Variants in PCDHB12 observed in about 807,000 individuals in gnomAD.
PCDHB12 encodes the protein protocadherin beta-12.
For synonymous variants in PCDHB12, 560 were observed against 445.2 expected (o/e 1.26, Z -3.24); for missense variants, 1,192 against 998.2 (o/e 1.19, Z -2.62).
chr5:141,211,163 G>T lies in PCDHB12; in HGVS notation c.2256G>T (p.Glu752Asp). ...CCCTGTCCCAGAGCTACCACTATGAGGTGTGTGTGACTGGAGGCTCCAGGT... is the reference window on the plus strand; with the variant it reads ...CCCTGTCCCAGAGCTACCACTATGATGTGTGTGTGACTGGAGGCTCCAGGT... Reference protein sequence around the residue: ...TGTLSQSYHYEVCVTGGSRSN... With the variant: ...TGTLSQSYHYDVCVTGGSRSN... Residue 752 changes from glutamate (E) to aspartate (D), a missense_variant, in exon 1 of 1, where the codon GAG (glutamate) becomes GAT (aspartate). Transcript: ENST00000239450. 2.5e-6 allele frequency: 4 copies of T among 1,614,144 alleles called. No individual in the cohort carries two copies. The highest frequency in any genetic ancestry group is 3.4e-6 in the Non-Finnish European group (4 of 1,180,006).
rs1362463284 is a variant in PCDHB12, at chr5:141,212,427, A to G, written c.*1132A>G. The stretch of plus-strand genomic sequence containing the variant: ...ATATAGATGATCATTAAATTTTTAG[A>G]AATTTTGGGGAGTTAAGGAGAAGCA... On this transcript the variant is annotated 3_prime_UTR_variant, in exon 1 of 1. Coordinates refer to ENST00000239450, the MANE Select transcript of PCDHB12 (RefSeq NM_018932.4). 6.6e-6 allele frequency: 1 copy of G among 152,472 alleles called. No individual in the cohort carries two copies. Among genetic ancestry groups the G allele is most frequent in the African/African-American group, 2.4e-5 (1 of 41,448 alleles). 9.4% of individuals were successfully genotyped at this position (152,472 alleles called of 1,614,324 possible).
chr5:141,210,212 C>G lies in PCDHB12; in HGVS notation c.1305C>G (p.His435Gln). ...GGACCCCCAGGCTAAAAACCGAGCA[C>G]AACATAACCGTGCTGGTCTCCGACG... ...DLGTPRLKTE[H>Q]NITVLVSDVN... The change falls in exon 1 of 1, where the codon CAC becomes CAG. Residue 435 changes from histidine to glutamine, a missense_variant. His to Gln is a conservative substitution (Grantham distance 24). Transcript: ENST00000239450. 1.9e-6 allele frequency: 3 copies of G among 1,614,208 alleles called. No homozygotes were observed. In the South Asian group the frequency reaches 3.3e-5, roughly 18 times the overall value.
In PCDHB12 at chr5:141,210,638, C is replaced by T; in HGVS notation, c.1731C>T (p.Pro577=). Residue 577 remains proline, a synonymous_variant, in exon 1 of 1, where the codon CCC becomes CCT. Transcript: ENST00000239450. ...CCGCGCCCTGCACCGAGCTGGTGCCCTGGGCGGCCGAGCCGGGCTACCTGG... is the reference window on the plus strand; with the variant it reads ...CCGCGCCCTGCACCGAGCTGGTGCCTTGGGCGGCCGAGCCGGGCTACCTGG... ...NGSAPCTELV[P]WAAEPGYLVT... 1 of 1,611,348 alleles carries T rather than the reference C, an allele frequency of 6.2e-7. No homozygotes were observed. Among genetic ancestry groups the T allele is most frequent in the Non-Finnish European group, 8.5e-7 (1 of 1,179,762 alleles).
chr5:141,209,507 G>A lies in PCDHB12; in HGVS notation c.600G>A (p.Leu200=), dbSNP rs138909602. 2.2e-5 allele frequency: 35 copies of A among 1,614,070 alleles called. No homozygotes were observed. The African/African-American group carries it at 4.0e-4, about 18-fold the overall frequency. Residue 200 remains leucine (L), a synonymous_variant, in exon 1 of 1, where the codon CTG becomes CTA. Coordinates refer to ENST00000239450, the MANE Select transcript of PCDHB12 (RefSeq NM_018932.4). ...CTGAGTTAGTTCTGGACAAGGCGCT[G>A]GATTATGAAGAGCGCCCGGAGCTCA... The part of the protein sequence containing the change: ...KYPELVLDKA[L]DYEERPELSF...
rs782258906 is a variant in PCDHB12, at chr5:141,211,077, C to G, written c.2170C>G (p.Arg724Gly). 2 of 1,613,486 alleles carry G rather than the reference C, an allele frequency of 1.2e-6. No homozygotes were observed. Among genetic ancestry groups the G allele is most frequent in the South Asian group, 1.1e-5 (1 of 91,062 alleles). Residue 724 changes from arginine (R) to glycine (G), a missense_variant, in exon 1 of 1, where the codon CGC becomes GGC. Coordinates refer to ENST00000239450, the MANE Select transcript of PCDHB12 (RefSeq NM_018932.4). ...CRRSRAAPVG[R>G]CSVPEGPFPG... ...GAGGAGCAGGGCGGCCCCGGTCGGT[C>G]GCTGCTCGGTGCCTGAGGGCCCCTT...
Position 141,210,506 on chromosome 5 carries a change from C to T in PCDHB12, c.1599C>T (p.Ala533=), listed in dbSNP as rs372211136. 1.3e-4 allele frequency: 211 copies of T among 1,612,396 alleles called. 1 individual carries two copies. Among genetic ancestry groups the T allele is most frequent in the South Asian group, 5.3e-4 (48 of 91,004 alleles). The change falls in exon 1 of 1, where the codon GCC becomes GCT. Residue 533 remains alanine, a synonymous_variant. Transcript: ENST00000239450. ...ALQGFQFRVG[A]TDHGSPALSS... ...AGGGGTTCCAGTTCCGCGTGGGCGC[C>T]ACAGACCACGGCTCCCCGGCTTTGA...
chr5:141,209,722 G>A lies in PCDHB12; in HGVS notation c.815G>A (p.Gly272Glu). The A allele has an allele frequency of 6.2e-7, 1 of 1,614,162 alleles. No individual in the cohort carries two copies. The highest frequency in any genetic ancestry group is 8.5e-7 in the Non-Finnish European group (1 of 1,180,034). The change falls in exon 1 of 1, where the codon GGA (glycine) becomes GAA (glutamate). Residue 272 changes from glycine (G) to glutamate (E), a missense_variant. Transcript: ENST00000239450. ...GTCTCAGCCTGGGATTTAGACTCTG[G>A]AACAAACAGTGAACTATCCTATACC... ...VTVSAWDLDS[G>E]TNSELSYTFS... is the part of the protein sequence containing the mutation.
rs551224347 is a variant in PCDHB12 at position 141,210,821 on chromosome 5, C to G, written c.1914C>G (p.His638Gln). 830 of 1,600,886 alleles carry G rather than the reference C, an allele frequency of 5.2e-4. 5 individuals are homozygous for G. In the East Asian group the frequency reaches 0.014, roughly 27 times the overall value. The part of the protein sequence containing the change: ...RLLSERDAAK[H>Q]RLVVLVKDNG... ...TGAGCGAGCGCGACGCGGCCAAGCACAGGCTGGTGGTGCTGGTCAAGGACA... is the reference window on the plus strand; with the variant it reads ...TGAGCGAGCGCGACGCGGCCAAGCAGAGGCTGGTGGTGCTGGTCAAGGACA... Residue 638 changes from histidine to glutamine, a missense_variant, in exon 1 of 1, where the codon CAC becomes CAG. Transcript: ENST00000239450.
chr5:141,209,879 G>A lies in PCDHB12; in HGVS notation c.972G>A (p.Gly324=), dbSNP rs1486517028. 2 of 1,614,082 alleles carry A rather than the reference G, an allele frequency of 1.2e-6. No individual in the cohort carries two copies. Among genetic ancestry groups the A allele is most frequent in the African/African-American group, 2.7e-5 (2 of 74,930 alleles). ...SYSIIIQATD[G]GGLFGKSTVR... ...CAATAATCATTCAAGCCACAGATGG[G>A]GGAGGACTTTTTGGAAAATCTACAG... Residue 324 remains glycine, a synonymous_variant, in exon 1 of 1, where the codon GGG becomes GGA. Coordinates refer to ENST00000239450, the MANE Select transcript of PCDHB12 (RefSeq NM_018932.4).
At position 141,210,025 on chromosome 5, in the gene PCDHB12, G is replaced by C. The variant is rs1754400056; in HGVS notation, c.1118G>C (p.Arg373Thr). ...GTTATGGTTTTCAGGATACGAGACA[G>C]AGACTCTGGGGACAACGGAAAGATG... ...TVVMVFRIRD[R>T]DSGDNGKMVC... The change falls in exon 1 of 1, where the codon AGA becomes ACA. Residue 373 changes from arginine to threonine, a missense_variant. By Grantham distance (71) the Arg-to-Thr change is moderately conservative (BLOSUM62 -1). Coordinates refer to ENST00000239450, the MANE Select transcript of PCDHB12 (RefSeq NM_018932.4). The C allele has an allele frequency of 3.1e-6, 5 of 1,614,222 alleles. No individual in the cohort carries two copies. Among genetic ancestry groups the C allele is most frequent in the Non-Finnish European group, 4.2e-6 (5 of 1,180,044 alleles).
Position 141,210,401 on chromosome 5 carries a change from G to A in PCDHB12, c.1494G>A (p.Leu498=), listed in dbSNP as rs1554286939. The part of the protein sequence containing the change: ...YSLLPSQDPH[L]PLASLVSINA... Reference sequence around the variant, plus strand: ...TGCTGCCGTCCCAGGACCCGCACCTGCCCCTCGCCTCCCTGGTCTCCATCA... The same window carrying A: ...TGCTGCCGTCCCAGGACCCGCACCTACCCCTCGCCTCCCTGGTCTCCATCA... The change falls in exon 1 of 1, where the codon CTG becomes CTA. Residue 498 remains leucine (L), a synonymous_variant. Transcript: ENST00000239450. 2 of 1,613,070 alleles carry A rather than the reference G, an allele frequency of 1.2e-6. No individual in the cohort carries two copies. The highest frequency in any genetic ancestry group is 1.3e-5 in the African/African-American group (1 of 75,034).
rs1554287252 is a variant in PCDHB12 at position 141,211,607 on chromosome 5, A to C, written c.*312A>C. On this transcript the variant is annotated 3_prime_UTR_variant, in exon 1 of 1. Transcript: ENST00000239450. ...TATTTACTGTGACTTTTGTTTTCTGAGTTGATTAGAATGCTGTTCGAGTAT... is the reference window on the plus strand; with the variant it reads ...TATTTACTGTGACTTTTGTTTTCTGCGTTGATTAGAATGCTGTTCGAGTAT... The C allele has an allele frequency of 1.1e-5, 4 of 373,378 alleles. No homozygotes were observed. The highest frequency in any genetic ancestry group is 2.1e-5 in the Non-Finnish European group (4 of 194,798). The allele number at this position is 373,378 out of a possible 1,614,324, so 23.1% of individuals were successfully genotyped here. A position where few individuals can be genotyped will look rare whatever the true frequency, so the allele number is the denominator to read the frequency against.
chr5:141,211,436 G>A lies in PCDHB12; in HGVS notation c.*141G>A, dbSNP rs782186977. On this transcript the variant is annotated 3_prime_UTR_variant, in exon 1 of 1. Coordinates refer to ENST00000239450, the MANE Select transcript of PCDHB12 (RefSeq NM_018932.4). Reference sequence around the variant, plus strand: ...GAAATAAATTTCTTTACATAGAAAAGGATACAGATTTAGTACCAAGAACAC... The same window carrying A: ...GAAATAAATTTCTTTACATAGAAAAAGATACAGATTTAGTACCAAGAACAC... 3.2e-6 allele frequency: 3 copies of A among 932,150 alleles called. No homozygotes were observed. The highest frequency in any genetic ancestry group is 1.7e-5 in the African/African-American group (1 of 60,400). The allele number at this position is 932,150 out of a possible 1,614,324, so 57.7% of individuals were successfully genotyped here.
rs1754467319 is a variant in PCDHB12, at chr5:141,211,748, C to G, written c.*453C>G. 4.7e-6 allele frequency: 1 copy of G among 211,252 alleles called. No individual in the cohort carries two copies. Among genetic ancestry groups the G allele is most frequent in the Non-Finnish European group, 1.1e-5 (1 of 95,196 alleles). The allele number at this position is 211,252 out of a possible 1,614,324, so 13.1% of individuals were successfully genotyped here. ...TTCACACTTTTAATCTCAGAAGAAA[C>G]ATATGTGACATGGTATTTTAGTAAT... On this transcript the variant is annotated 3_prime_UTR_variant, in exon 1 of 1. Transcript: ENST00000239450.
In PCDHB12 at chr5:141,209,539, T is replaced by TCCTCACTGCTCTGG. The variant is rs782620954; in HGVS notation, c.633_646dup (p.Asp216AlafsTer23). The stretch of plus-strand genomic sequence containing the variant: ...GAAGAGCGCCCGGAGCTCAGTTTCA[T>TCCTCACTGCTCTGG]CCTCACTGCTCTGGATGGCGGGTCC... On this transcript the variant is annotated frameshift_variant, in exon 1 of 1. Transcript: ENST00000239450. LOFTEE classifies it low-confidence loss of function (END_TRUNC). The TCCTCACTGCTCTGG allele has an allele frequency of 8.7e-6, 14 of 1,614,200 alleles. No individual in the cohort carries two copies. In the South Asian group the frequency reaches 1.4e-4, roughly 16 times the overall value.
rs1398471201 is a variant in PCDHB12, at chr5:141,211,529, TTAAGTGG to T, written c.*240_*246del. ...ACAATTATGCTTAATATAAAGTCTA[TTAAGTGG>T]TAAGTCTTGTTTGAGATATTTTAAA... On this transcript the variant is annotated 3_prime_UTR_variant, in exon 1 of 1. Coordinates refer to ENST00000239450, the MANE Select transcript of PCDHB12 (RefSeq NM_018932.4). 8.5e-6 allele frequency: 5 copies of T among 591,490 alleles called. No individual in the cohort carries two copies. The highest frequency in any genetic ancestry group is 1.5e-5 in the Non-Finnish European group (5 of 327,320). The allele number at this position is 591,490 out of a possible 1,614,324, so 36.6% of individuals were successfully genotyped here. A position where few individuals can be genotyped will look rare whatever the true frequency, so the allele number is the denominator to read the frequency against.
At position 141,210,996 on chromosome 5, in the gene PCDHB12, G is replaced by C; in HGVS notation, c.2089G>C (p.Val697Leu). ...CTACCTGGTGGTGGCGTTGGCCTCA[G>C]TGTCGTCGCTCTTCCTCTTCTCGGT... Reference protein sequence around the residue: ...TVYLVVALASVSSLFLFSVLL... With the variant: ...TVYLVVALASLSSLFLFSVLL... The change falls in exon 1 of 1, where the codon GTG becomes CTG. Residue 697 changes from valine (V) to leucine (L), a missense_variant. Transcript: ENST00000239450. 1 of 1,611,628 alleles carries C rather than the reference G, an allele frequency of 6.2e-7. No individual in the cohort carries two copies. Among genetic ancestry groups the C allele is most frequent in the Non-Finnish European group, 8.5e-7 (1 of 1,179,846 alleles).
rs1171710331 is a variant in PCDHB12 at position 141,211,408 on chromosome 5, C to T, written c.*113C>T. 5.5e-6 allele frequency: 6 copies of T among 1,086,938 alleles called. No homozygotes were observed. The highest frequency in any genetic ancestry group is 1.6e-5 in the African/African-American group (1 of 62,716). The allele number at this position is 1,086,938 out of a possible 1,614,324, so 67.3% of individuals were successfully genotyped here. A position where few individuals can be genotyped will look rare whatever the true frequency, so the allele number is the denominator to read the frequency against. On this transcript the variant is annotated 3_prime_UTR_variant, in exon 1 of 1. Coordinates refer to ENST00000239450, the MANE Select transcript of PCDHB12 (RefSeq NM_018932.4). Reference sequence around the variant, plus strand: ...CACTTCAAATACATACTCTTCAAGTCAAGAAATAAATTTCTTTACATAGAA... The same window carrying T: ...CACTTCAAATACATACTCTTCAAGTTAAGAAATAAATTTCTTTACATAGAA...
In PCDHB12 at chr5:141,209,294, CT is replaced by C; in HGVS notation, c.388del (p.Ser130LeufsTer11). The C allele has an allele frequency of 6.2e-7, 1 of 1,614,198 alleles. No homozygotes were observed. The highest frequency in any genetic ancestry group is 8.5e-7 in the Non-Finnish European group (1 of 1,180,048). On this transcript the variant is annotated frameshift_variant, in exon 1 of 1. Coordinates refer to ENST00000239450, the MANE Select transcript of PCDHB12 (RefSeq NM_018932.4). LOFTEE classifies it low-confidence loss of function (END_TRUNC). ...ELQVRDINDH[S>X]PVFLEKEMLL... ...TCCAGGTCAGGGATATAAATGATCACTCTCCCGTCTTCTTGGAAAAAGAAAT... is the reference window on the plus strand; with the variant it reads ...TCCAGGTCAGGGATATAAATGATCACCTCCCGTCTTCTTGGAAAAAGAAAT...
Sources: allele counts gnomAD v4.1 joint callset, GRCh38; gene constraint gnomAD v4.1.1; transcripts MANE v1.5; gene names NCBI Gene and HGNC (gene_info 2026-07-23, HGNC 2026-07-21).